Variants in NDE1 observed in about 807,000 individuals in gnomAD.
The protein encoded by NDE1 is nudE neurodevelopment protein 1.
A neutral mutation model predicts 43.4 loss-of-function variants in NDE1; 28 were observed. The observed-to-expected ratio is 0.65, with a 90% CI of 0.48 to 0.89. The LOEUF (loss-of-function observed/expected upper bound fraction) is 0.89. Among genes scored for constraint, NDE1 ranks in the 40% least tolerant of loss-of-function variants. The pLI is 0.00. For synonymous variants in NDE1, 184 were observed against 172.0 expected (o/e 1.07, Z -0.55); for missense variants, 441 against 434.1 (o/e 1.02, Z -0.14).
chr16:15,709,393 C>T (rs1355125565), intron 8 of NDE1, among the ~76,000 whole-genome samples: 3 of 152,044 alleles, frequency 2.0e-5, no homozygotes, highest in African/African-American at 4.8e-5. Context: ...CTGCTCACTG[C>T]AACCTCCACC....
intron 6 of NDE1, among the ~76,000 whole-genome samples, chr16:15,692,226 C>G (rs930212445): frequency 6.6e-6 from 1 of 152,170 alleles, no homozygotes; most frequent in Non-Finnish European, 1.5e-5. Context: ...GTGCTGTCCC[C>G]GTTTGATGAA....
chr16:15,715,974 A>G (rs908203072), intron 8 of NDE1, among the ~76,000 whole-genome samples: 10 of 152,072 alleles, frequency 6.6e-5, no homozygotes, highest in African/African-American at 2.2e-4. Flanking sequence ...AAAAAATACA[A>G]TTACAAGCTG....
At chr16:15,683,300 A>T (rs1187538123) in intron 4 of NDE1, 1 of 152,190 alleles carries the variant, frequency 6.6e-6, no homozygotes, top group Admixed American at 6.6e-5. Flanking sequence ...CAGCTTTCAT[A>T]GTCACAAATT....
Position 15,721,382 on chromosome 16 carries a change from G to A in NDE1, c.948-2809G>A, listed in dbSNP as rs775672363. 6.9e-6 allele frequency: 11 copies of A among 1,603,782 alleles called. No homozygotes were observed. The Admixed American group carries it at 1.5e-4, about 22-fold the overall frequency. ...TGGTGAATAGCACAGAGGGTGGGCA[G>A]GCGAAACATGGACGAGAAAAACCAC... On this transcript the variant is annotated intron_variant, in intron 8 of 8. Coordinates refer to ENST00000396354, the MANE Select transcript of NDE1 (RefSeq NM_017668.3).
At chr16:15,694,640 G>T in intron 7 of NDE1, 1 of 985,264 alleles carries the variant, frequency 1.0e-6, no homozygotes, top group East Asian at 1.1e-4. Flanking sequence ...GAGCCAATGC[G>T]TCCAGCCCCT....
At chr16:15,691,048 T>TCC in intron 5 of NDE1, 96 bp from the exon 6 acceptor site, 1 of 1,477,302 alleles carries the variant, frequency 6.8e-7, no homozygotes, top group Non-Finnish European at 9.4e-7. Flanking sequence ...CCTCAGGCGA[T>TCC]CCACCTGCCT....
At chr16:15,687,128 G>T in intron 4 of NDE1, 1 of 1,383,940 alleles carries the variant, frequency 7.2e-7, no homozygotes, top group East Asian at 3.0e-5. Context: ...AGTGCTGTGT[G>T]GGCAGCATCT....
chr16:15,706,535 C>G (rs572071849), intron 8 of NDE1, among the ~76,000 whole-genome samples: 26 of 152,224 alleles, frequency 1.7e-4, no homozygotes, highest in African/African-American at 5.8e-4. Flanking sequence ...TGGTGAAACC[C>G]CGTCTCTACT....
intron 4 of NDE1, among the ~76,000 whole-genome samples, chr16:15,686,772 T>C (rs974451508): frequency 6.6e-6 from 1 of 152,184 alleles, no homozygotes. Flanking sequence ...AGTGGTATAA[T>C]CTGGGCTCAC....
At chr16:15,721,872 G>C (rs1441578626) in intron 8 of NDE1, among the ~76,000 whole-genome samples, 1 of 152,000 alleles carries the variant, frequency 6.6e-6, no homozygotes, top group Non-Finnish European at 1.5e-5. Flanking sequence ...GTGTTTGTTT[G>C]TTTTAGATGG....
chr16:15,647,367 C>T (rs1330672320), upstream of NDE1, among the ~76,000 whole-genome samples: 1 of 152,230 alleles, frequency 6.6e-6, no homozygotes, highest in Non-Finnish European at 1.5e-5. Flanking sequence ...AGAGCCAGCT[C>T]TGAAGCCTGA....
intron 1 of NDE1, among the ~76,000 whole-genome samples, chr16:15,663,840 G>A (rs2037170562): frequency 1.3e-5 from 2 of 152,034 alleles, no homozygotes; most frequent in South Asian, 4.1e-4. Context: ...GCTGAGGTGG[G>A]TGGTTCACTT....
chr16:15,708,941 T>C (rs1286910523), intron 8 of NDE1: 1 of 1,218,188 alleles, frequency 8.2e-7, no homozygotes, highest in Admixed American at 2.0e-5. Context: ...TTCGATTTAA[T>C]AATTAAAGGC....
upstream of NDE1, among the ~76,000 whole-genome samples, chr16:15,647,115 G>T (rs2036346706): frequency 6.6e-6 from 1 of 152,208 alleles, no homozygotes; most frequent in Non-Finnish European, 1.5e-5. Flanking sequence ...GCATGTAAAT[G>T]ATTCATTAAT....
chr16:15,711,375 T>C (rs1446834010), intron 8 of NDE1: 1 of 152,144 alleles, frequency 6.6e-6, no homozygotes, highest in East Asian at 1.9e-4. Context: ...TGTCACTCCC[T>C]TTTTAGTGGA....
At chr16:15,672,215 A>C (rs1337233667) in intron 3 of NDE1, among the ~76,000 whole-genome samples, 1 of 152,054 alleles carries the variant, frequency 6.6e-6, no homozygotes, top group Non-Finnish European at 1.5e-5. Flanking sequence ...CGGGCGGATC[A>C]TGAGGTCAAG....
intron 8 of NDE1, among the ~76,000 whole-genome samples, chr16:15,723,189 C>T (rs1175802212): frequency 2.6e-5 from 4 of 152,124 alleles, no homozygotes; most frequent in Non-Finnish European, 5.9e-5. Context: ...TTGTGAATCT[C>T]ATCACATGTA....
At chr16:15,719,176 C>G in intron 8 of NDE1, 1 of 1,562,092 alleles carries the variant, frequency 6.4e-7, no homozygotes, top group Non-Finnish European at 8.8e-7. Flanking sequence ...GCCTGTCCCC[C>G]CATCCTCTGC....
intron 1 of NDE1, among the ~76,000 whole-genome samples, chr16:15,659,425 CTTT>C (rs35091023): frequency 1.7e-5 from 1 of 58,890 alleles, no homozygotes; most frequent in Non-Finnish European, 3.0e-5. Context: ...TGCACACAAT[CTTT>C]TTTTTTTTTT....
Sources: allele counts gnomAD v4.1 joint callset (sites outside exome capture counted in the v4.1 genomes callset), GRCh38; gene constraint gnomAD v4.1.1; transcripts MANE v1.5; gene names NCBI Gene and HGNC (gene_info 2026-07-23, HGNC 2026-07-21).